NAV2: variants seen among roughly 807,000 people sequenced by gnomAD.
NAV2 encodes neuron navigator 2.
A neutral mutation model predicts 223.2 loss-of-function variants in NAV2; 54 were observed. The ratio of observed to expected loss-of-function variants is 0.24; its 90% confidence interval spans 0.19 to 0.30. NAV2 has a LOEUF of 0.30. Ranked by LOEUF, NAV2 falls within the 10% of genes least tolerant of loss-of-function variation. The pLI, the probability that NAV2 is intolerant of heterozygous loss-of-function variation, is 1.00. For missense variants in NAV2, 2,806 were observed against 3,147.5 expected (o/e 0.89, Z 2.60); for synonymous variants, 1,279 against 1,239.3 (o/e 1.03, Z -0.67).
intron 1 of NAV2, among the ~76,000 whole-genome samples, chr11:19,554,694 C>T (rs1162374447): frequency 2.0e-5 from 3 of 152,140 alleles, no homozygotes; most frequent in African/African-American, 7.2e-5. Flanking sequence ...CCAGCAAGGA[C>T]ATTTCTTAAA....
intron 1 of NAV2, among the ~76,000 whole-genome samples, chr11:19,585,517 C>A (rs926776707): frequency 6.6e-6 from 1 of 152,094 alleles, no homozygotes; most frequent in Admixed American, 6.6e-5. Context: ...TGGCTGGTAC[C>A]GGTTGTTCCT....
intron 1 of NAV2, among the ~76,000 whole-genome samples, chr11:19,664,091 C>A (rs1010588063): frequency 2.0e-5 from 3 of 152,168 alleles, no homozygotes; most frequent in African/African-American, 7.2e-5. Context: ...AAGGGTGAAC[C>A]CACAGCTATA....
intron 14 of NAV2, among the ~76,000 whole-genome samples, chr11:20,046,445 T>C (rs898311021): frequency 5.3e-5 from 8 of 152,114 alleles, no homozygotes; most frequent in African/African-American, 2.4e-5. Flanking sequence ...TTTTCTTGTG[T>C]TAATAATTCT....
chr11:19,859,693 C>T (rs1399597261), intron 3 of NAV2, among the ~76,000 whole-genome samples: 1 of 151,900 alleles, frequency 6.6e-6, no homozygotes, highest in African/African-American at 2.4e-5. Context: ...GGCAGAGGGG[C>T]TCCTCACTTC....
At position 19,914,700 on chromosome 11, in the gene NAV2, G is replaced by A. The variant is rs370195373; in HGVS notation, c.932-18476G>A. Among the ~76,000 whole-genome samples, 33 of 151,702 alleles carry A rather than the reference G, an allele frequency of 2.2e-4. No homozygotes were observed. In the East Asian group the frequency reaches 3.1e-3, roughly 14 times the overall value. ...GCTGGGACTACAGGCGCCCGCCACC[G>A]CGCCCGGCTAATTTTTTGTATTTTT... On this transcript the variant is annotated intron_variant, in intron 6 of 37. Transcript: ENST00000349880.
intron 35 of NAV2, among the ~76,000 whole-genome samples, chr11:20,106,774 C>G (rs942642550): frequency 2.0e-5 from 3 of 151,296 alleles, no homozygotes; most frequent in African/African-American, 7.3e-5. Flanking sequence ...TCCCAAGTAG[C>G]TGGGATTACA....
At chr11:19,437,783 G>A (rs1851265529) in intron 1 of NAV2, among the ~76,000 whole-genome samples, 1 of 152,060 alleles carries the variant, frequency 6.6e-6, no homozygotes. Flanking sequence ...CCATTATAAA[G>A]TTTTCTTATA....
chr11:19,387,251 G>A (rs1849078789), intron 1 of NAV2, among the ~76,000 whole-genome samples: 1 of 152,208 alleles, frequency 6.6e-6, no homozygotes. Context: ...TGCTCAGGGA[G>A]CATGGTGGCG....
chr11:19,603,908 G>A (rs1247849853), intron 1 of NAV2, among the ~76,000 whole-genome samples: 2 of 151,964 alleles, frequency 1.3e-5, no homozygotes, highest in Non-Finnish European at 1.5e-5. Context: ...GAGGGAGGGA[G>A]CTATAAGGGT....
chr11:19,668,430 G>A (rs1426045777), intron 1 of NAV2, among the ~76,000 whole-genome samples: 1 of 149,880 alleles, frequency 6.7e-6, no homozygotes, highest in Non-Finnish European at 1.5e-5. Flanking sequence ...CTACTTGGCA[G>A]GCTGAGGCAC....
At chr11:19,738,381 A>G (rs1457154405) in intron 1 of NAV2, among the ~76,000 whole-genome samples, 2 of 152,230 alleles carry the variant, frequency 1.3e-5, no homozygotes, top group African/African-American at 4.8e-5. Flanking sequence ...CCAGTTCTGT[A>G]GATGTAGATC....
At chr11:19,627,633 A>G (rs2047208642) in intron 1 of NAV2, among the ~76,000 whole-genome samples, 1 of 152,134 alleles carries the variant, frequency 6.6e-6, no homozygotes, top group South Asian at 2.1e-4. Flanking sequence ...ATTGTCATGT[A>G]GGTCCTTTGC....
chr11:19,886,289 G>T (rs964489951), intron 5 of NAV2, among the ~76,000 whole-genome samples: 5 of 152,134 alleles, frequency 3.3e-5, no homozygotes, highest in Non-Finnish European at 5.9e-5. Flanking sequence ...CCTAGAGTTT[G>T]GTTTTCTGAA....
At chr11:19,621,791 C>G (rs183330689) in intron 1 of NAV2, among the ~76,000 whole-genome samples, 1 of 152,094 alleles carries the variant, frequency 6.6e-6, no homozygotes, top group African/African-American at 2.4e-5. Context: ...TTCTTGCCTT[C>G]TGGTAGCTTT....
At chr11:20,095,821 C>G in intron 30 of NAV2, 54 bp downstream of exon 30, 1 of 1,331,698 alleles carries the variant, frequency 7.5e-7, no homozygotes, top group Admixed American at 1.7e-5. Flanking sequence ...GGCATCCGGG[C>G]CTGGGGAGGA....
chr11:19,501,841 C>T (rs2403441), intron 1 of NAV2, among the ~76,000 whole-genome samples: 48,190 of 151,892 alleles, frequency 0.32, 8,526 homozygotes, highest in South Asian at 0.4. Flanking sequence ...GGCAATATTG[C>T]GCTCTGGGAA....
At chr11:19,365,012 A>G (rs895463585) in intron 1 of NAV2, among the ~76,000 whole-genome samples, 1 of 152,166 alleles carries the variant, frequency 6.6e-6, no homozygotes, top group Non-Finnish European at 1.5e-5. Flanking sequence ...AGGGAAAGAA[A>G]TTCACCTCCT....
intron 1 of NAV2, among the ~76,000 whole-genome samples, chr11:19,598,681 C>T (rs11025189): frequency 0.74 from 112,558 of 152,116 alleles, 49,903 homozygotes; most frequent in Non-Finnish European, 0.96. Context: ...GGAATTTGCC[C>T]GAGGTCACCC....
intron 1 of NAV2, among the ~76,000 whole-genome samples, chr11:19,524,086 T>G (rs568157981): frequency 6.6e-6 from 1 of 152,318 alleles, no homozygotes; most frequent in African/African-American, 2.4e-5. Flanking sequence ...TTTGTCCTGT[T>G]TGTTCACCTC....
Sources: gnomAD v4.1 joint callset for allele counts (sites outside exome capture counted in the v4.1 genomes callset) on GRCh38, gnomAD v4.1.1 for gene constraint, MANE v1.5 for transcripts, NCBI Gene and HGNC (gene_info 2026-07-23, HGNC 2026-07-21) for gene names.